CTNNA2: variants seen among roughly 807,000 people sequenced by gnomAD.
CTNNA2 encodes the protein catenin alpha 2.
Under a neutral mutation model 101.0 loss-of-function variants are expected in CTNNA2, and 42 were observed. The observed-to-expected ratio is 0.42, with a 90% confidence interval of 0.32 to 0.54. The LOEUF (loss-of-function observed/expected upper bound fraction) is 0.54. Ranked by LOEUF, CTNNA2 falls within the 20% of genes least tolerant of loss-of-function variation. The pLI is 0.14. For synonymous variants in CTNNA2, 450 were observed against 456.4 expected, an observed-to-expected ratio of 0.99 and a Z score of 0.18; for missense variants, 871 against 1,223.1, an observed-to-expected ratio of 0.71 and a Z score of 4.29.
At chr2:79,353,568 G>A (rs1677440565) in intron 3 of CTNNA2, among the ~76,000 whole-genome samples, 1 of 152,160 alleles carries the variant, frequency 6.6e-6, no homozygotes, top group South Asian at 2.1e-4. Context: ...GTCATTGCAT[G>A]TGGAATGGGT....
chr2:79,507,141 G>A (rs1175682855), intron 5 of CTNNA2, among the ~76,000 whole-genome samples: 1 of 152,154 alleles, frequency 6.6e-6, no homozygotes, highest in Non-Finnish European at 1.5e-5. Context: ...AACACATTGA[G>A]TCTCAGTTTT....
At chr2:79,457,870 C>T (rs1326365694) in intron 4 of CTNNA2, among the ~76,000 whole-genome samples, 2 of 152,186 alleles carry the variant, frequency 1.3e-5, no homozygotes, top group Non-Finnish European at 1.5e-5. Context: ...AGCATTTCAT[C>T]CCAGGAGATA....
chr2:80,080,977 T>C (rs62141424), intron 7 of CTNNA2, among the ~76,000 whole-genome samples: 1 of 100,426 alleles, frequency 1.0e-5, no homozygotes, highest in African/African-American at 4.4e-5. Flanking sequence ...AAAAAAGAAA[T>C]GCTTGCCGTG....
intron 14 of CTNNA2, 34 bp downstream of exon 14, chr2:80,581,853 C>A: frequency 8.0e-7 from 1 of 1,251,374 alleles, no homozygotes; most frequent in Non-Finnish European, 1.2e-6. Context: ...GCTTGGCACA[C>A]AGGGACCGTG....
intron 7 of CTNNA2, among the ~76,000 whole-genome samples, chr2:80,225,866 A>G (rs1708860364): frequency 6.6e-6 from 1 of 152,306 alleles, no homozygotes; most frequent in African/African-American, 2.4e-5. Flanking sequence ...ATGTACTATT[A>G]GTGTTTATCT....
intron 4 of CTNNA2, among the ~76,000 whole-genome samples, chr2:79,392,197 G>T (rs890860951): frequency 1.3e-5 from 2 of 152,160 alleles, no homozygotes; most frequent in African/African-American, 4.8e-5. Context: ...TGGCCAAGGT[G>T]ATGGGATTGC....
At chr2:80,585,840 A>C (rs975693716) in intron 14 of CTNNA2, among the ~76,000 whole-genome samples, 4 of 152,200 alleles carry the variant, frequency 2.6e-5, no homozygotes, top group African/African-American at 9.6e-5. Flanking sequence ...TTTTAAAAGC[A>C]AGAGCATTTT....
intron 3 of CTNNA2, among the ~76,000 whole-genome samples, chr2:79,755,801 T>A (rs13010862): frequency 6.6e-6 from 1 of 152,092 alleles, no homozygotes; most frequent in Non-Finnish European, 1.5e-5. Flanking sequence ...AAAAGTATGC[T>A]ATCTAGGAAT....
chr2:79,305,300 A>T (rs966440250), intron 2 of CTNNA2, among the ~76,000 whole-genome samples: 2 of 149,042 alleles, frequency 1.3e-5, no homozygotes, highest in African/African-American at 2.4e-5. Context: ...GTGTGTATAT[A>T]TATACATATA....
intron 7 of CTNNA2, among the ~76,000 whole-genome samples, chr2:80,219,078 A>G (rs1410623100): frequency 1.3e-5 from 2 of 152,182 alleles, no homozygotes; most frequent in Admixed American, 6.5e-5. Context: ...CATTTTCAAG[A>G]GCTAAAGAAA....
chr2:79,194,295 G>A (rs1197383451), intron 1 of CTNNA2, among the ~76,000 whole-genome samples: 1 of 152,152 alleles, frequency 6.6e-6, no homozygotes. Context: ...ATACAGCAGG[G>A]TCTTTCAAGG....
At chr2:79,907,091 G>A (rs1574281451) in intron 6 of CTNNA2, among the ~76,000 whole-genome samples, 1 of 152,110 alleles carries the variant, frequency 6.6e-6, no homozygotes, top group African/African-American at 2.4e-5. Flanking sequence ...TTCTTGACAC[G>A]TTTAGTCCTA....
chr2:79,192,634 T>C (rs936106594), intron 1 of CTNNA2, among the ~76,000 whole-genome samples: 2 of 152,176 alleles, frequency 1.3e-5, no homozygotes, highest in Non-Finnish European at 2.9e-5. Flanking sequence ...AAGGCTGATA[T>C]ACATAATCAA....
intron 11 of CTNNA2, among the ~76,000 whole-genome samples, chr2:80,553,168 G>A (rs150944165): frequency 0.019 from 2,863 of 150,884 alleles, 85 homozygotes; most frequent in African/African-American, 0.066. Flanking sequence ...AGGTTGTGGT[G>A]AGCTGGGATT....
intron 2 of CTNNA2, among the ~76,000 whole-genome samples, chr2:79,743,804 G>A (rs1365733897): frequency 1.3e-5 from 2 of 152,122 alleles, no homozygotes. Context: ...AAAGTGTTGG[G>A]ATTACAGGTG....
intron 3 of CTNNA2, among the ~76,000 whole-genome samples, chr2:79,814,188 C>T (rs1511193): frequency 0.087 from 13,187 of 152,038 alleles, 908 homozygotes; most frequent in East Asian, 0.35. Flanking sequence ...TCGTGAGGTC[C>T]GACAAAACTT....
chr2:79,992,166 G>A (rs541692543), intron 7 of CTNNA2, among the ~76,000 whole-genome samples: 1 of 152,210 alleles, frequency 6.6e-6, no homozygotes, highest in African/African-American at 2.4e-5. Flanking sequence ...AACCTTGAAG[G>A]TGAGGGCAAA....
At chr2:80,105,328 G>T (rs548315029) in intron 7 of CTNNA2, among the ~76,000 whole-genome samples, 2 of 152,318 alleles carry the variant, frequency 1.3e-5, no homozygotes, top group South Asian at 4.1e-4. Context: ...AAATGCTCTA[G>T]TGAATTACTT....
intron 2 of CTNNA2, among the ~76,000 whole-genome samples, chr2:79,672,621 CA>C (rs1558824214): frequency 1.3e-5 from 2 of 150,358 alleles, no homozygotes; most frequent in South Asian, 2.1e-4. Context: ...AGTTGAAAAT[CA>C]AAAAAACTTA....
Sources: gnomAD v4.1 joint callset for allele counts (sites outside exome capture counted in the v4.1 genomes callset) on GRCh38, gnomAD v4.1.1 for gene constraint, MANE v1.5 for transcripts, NCBI Gene and HGNC (gene_info 2026-07-23, HGNC 2026-07-21) for gene names.